Variants in APBA1 observed in about 807,000 individuals in gnomAD.
APBA1 encodes amyloid beta precursor protein binding family A member 1, also known as amyloid-beta A4 precursor protein-binding family A member 1.
A neutral mutation model predicts 86.6 loss-of-function variants in APBA1; 55 were observed. The observed-to-expected ratio is 0.64, with a 90% confidence interval of 0.51 to 0.80. The LOEUF is 0.80. Ranked by LOEUF, APBA1 falls within the 30% of genes least tolerant of loss-of-function variation. APBA1 has a pLI of 0.00. For missense variants in APBA1, 1,090 were observed against 1,183.0 expected (o/e 0.92, Z 1.15); for synonymous variants, 511 against 493.9 (o/e 1.03, Z -0.46).
intron 1 of APBA1, among the ~76,000 whole-genome samples, chr9:69,526,293 G>A (rs1193998647): frequency 1.3e-5 from 2 of 152,042 alleles, no homozygotes; most frequent in Non-Finnish European, 2.9e-5. Flanking sequence ...ATAACCTATA[G>A]AAAGAGCGAA....
intron 1 of APBA1, among the ~76,000 whole-genome samples, chr9:69,664,266 A>G (rs1360287): frequency 0.83 from 125,922 of 152,140 alleles, 52,454 homozygotes; most frequent in East Asian, 1. Context: ...TATTCCTGGG[A>G]AGGAGCTTTA....
intron 1 of APBA1, among the ~76,000 whole-genome samples, chr9:69,666,541 A>C (rs907583966): frequency 6.6e-6 from 1 of 151,748 alleles, no homozygotes; most frequent in African/African-American, 2.4e-5. Context: ...GCCTCCCCCC[A>C]CCCCATATTC....
At chr9:69,647,638 T>C (rs1194625479) in intron 1 of APBA1, among the ~76,000 whole-genome samples, 1 of 152,212 alleles carries the variant, frequency 6.6e-6, no homozygotes, top group African/African-American at 2.4e-5. Flanking sequence ...GCTTAGGATA[T>C]GCATGCCATT....
intron 1 of APBA1, among the ~76,000 whole-genome samples, chr9:69,595,722 C>T (rs937119684): frequency 2.6e-5 from 4 of 152,094 alleles, no homozygotes; most frequent in Non-Finnish European, 5.9e-5. Flanking sequence ...TGGTAGTAAA[C>T]GATAGTAGCA....
chr9:69,666,820 C>T (rs1823848876), intron 1 of APBA1, among the ~76,000 whole-genome samples: 1 of 152,146 alleles, frequency 6.6e-6, no homozygotes, highest in African/African-American at 2.4e-5. Context: ...TAAACTTGCA[C>T]AGGCCATAAA....
intron 1 of APBA1, among the ~76,000 whole-genome samples, chr9:69,620,865 C>T (rs1293442054): frequency 2.6e-5 from 4 of 152,054 alleles, no homozygotes; most frequent in Admixed American, 6.5e-5. Context: ...TGCGGTCACA[C>T]GAAGGAGCTG....
At chr9:69,470,914 T>TA (rs1183391757) in intron 4 of APBA1, among the ~76,000 whole-genome samples, 1 of 152,116 alleles carries the variant, frequency 6.6e-6, no homozygotes, top group African/African-American at 2.4e-5. Context: ...CACCTGGCCT[T>TA]AGAGTAGGTG....
chr9:69,599,141 T>G (rs1013511205), intron 1 of APBA1, among the ~76,000 whole-genome samples: 1 of 152,198 alleles, frequency 6.6e-6, no homozygotes, highest in Non-Finnish European at 1.5e-5. Flanking sequence ...TAAGGTCAGA[T>G]AGTGCAGATG....
At chr9:69,591,690 T>G (rs371784728) in intron 1 of APBA1, among the ~76,000 whole-genome samples, 1 of 152,188 alleles carries the variant, frequency 6.6e-6, no homozygotes, top group African/African-American at 2.4e-5. Flanking sequence ...TTTTCCCGCC[T>G]TTTAAAACAC....
intron 1 of APBA1, among the ~76,000 whole-genome samples, chr9:69,587,002 T>C (rs1212774113): frequency 6.6e-6 from 1 of 152,180 alleles, no homozygotes; most frequent in Non-Finnish European, 1.5e-5. Context: ...AAGAAGAAAA[T>C]ATGGTCCATT....
intron 2 of APBA1, among the ~76,000 whole-genome samples, chr9:69,501,848 G>A (rs1835885151): frequency 6.6e-6 from 1 of 152,048 alleles, no homozygotes; most frequent in Non-Finnish European, 1.5e-5. Flanking sequence ...AGTCGGGGCA[G>A]AGGACACAAT....
intron 11 of APBA1, among the ~76,000 whole-genome samples, 164 bp downstream of exon 11, chr9:69,440,832 A>C (rs947956398): frequency 1.2e-4 from 18 of 152,048 alleles, no homozygotes; most frequent in Non-Finnish European, 2.1e-4. Context: ...TGAACCTGGT[A>C]CCTCAGTTGG....
At chr9:69,512,085 T>G (rs933845785) in intron 2 of APBA1, among the ~76,000 whole-genome samples, 1 of 149,902 alleles carries the variant, frequency 6.7e-6, no homozygotes, top group Non-Finnish European at 1.5e-5. Context: ...AATAAATAAA[T>G]AAATAAATAA....
intron 3 of APBA1, among the ~76,000 whole-genome samples, chr9:69,473,760 A>AT (rs1835400801): frequency 6.6e-6 from 1 of 152,222 alleles, no homozygotes; most frequent in African/African-American, 2.4e-5. Flanking sequence ...TTAAAAAAAA[A>AT]GCTGCAACAG....
intron 1 of APBA1, among the ~76,000 whole-genome samples, chr9:69,634,529 GA>G (rs1823116885): frequency 6.6e-6 from 1 of 152,164 alleles, no homozygotes; most frequent in African/African-American, 2.4e-5. Context: ...ATAGGAGGTA[GA>G]GAGAGAGATA....
chr9:69,543,900 G>A (rs1007305727), intron 1 of APBA1, among the ~76,000 whole-genome samples: 1 of 152,194 alleles, frequency 6.6e-6, no homozygotes, highest in African/African-American at 2.4e-5. Flanking sequence ...ATTCAAAGGA[G>A]TATTTTGCAC....
intron 1 of APBA1, among the ~76,000 whole-genome samples, chr9:69,572,400 C>T (rs1221705221): frequency 6.6e-6 from 1 of 152,136 alleles, no homozygotes; most frequent in Non-Finnish European, 1.5e-5. Context: ...TGCATCCATG[C>T]CCCTGCATCT....
intron 2 of APBA1, among the ~76,000 whole-genome samples, chr9:69,490,489 T>TA (rs1048916751): frequency 6.0e-5 from 9 of 151,170 alleles, no homozygotes; most frequent in Admixed American, 2.6e-4. Flanking sequence ...ATAAAATTTT[T>TA]AAAAAAAAGC....
At chr9:69,511,624 G>A (rs934724741) in intron 2 of APBA1, among the ~76,000 whole-genome samples, 3 of 151,880 alleles carry the variant, frequency 2.0e-5, no homozygotes, top group East Asian at 1.9e-4. Context: ...ACATGCACAC[G>A]TATGTTTACT....
Sources: allele counts gnomAD v4.1 joint callset (sites outside exome capture counted in the v4.1 genomes callset), GRCh38; gene constraint gnomAD v4.1.1; transcripts MANE v1.5; gene names NCBI Gene and HGNC (gene_info 2026-07-23, HGNC 2026-07-21).